Variants in R3HCC1L observed in about 807,000 individuals in gnomAD.
The protein encoded by R3HCC1L is coiled-coil domain-containing protein R3HCC1L.
In R3HCC1L, 51 loss-of-function variants were observed where a neutral mutation model predicts 59.9. The observed-to-expected ratio is 0.85, with a 90% CI of 0.68 to 1.07. R3HCC1L has a LOEUF of 1.07. Among genes scored for constraint, R3HCC1L ranks in the 50% least tolerant of loss-of-function variants. The probability of loss-of-function intolerance (pLI) is 0.00; values close to 1 mark genes in which losing one functional copy is unlikely to be tolerated. For synonymous variants in R3HCC1L, 322 were observed against 315.2 expected, an observed-to-expected ratio of 1.02 and a Z score of -0.23; for missense variants, 965 against 933.0, an observed-to-expected ratio of 1.03 and a Z score of -0.45.
chr10:98,167,790 GATA>G (rs1348988024), intron 4 of R3HCC1L, among the ~76,000 whole-genome samples: 1 of 152,186 alleles, frequency 6.6e-6, no homozygotes, highest in Non-Finnish European at 1.5e-5. Flanking sequence ...GTAAAGTTGG[GATA>G]ATAATAGCTA....
chr10:98,217,574 G>A (rs573014333), intron 5 of R3HCC1L, among the ~76,000 whole-genome samples: 8 of 152,184 alleles, frequency 5.3e-5, no homozygotes, highest in African/African-American at 1.7e-4. Context: ...TATTTTGATA[G>A]GGATTGCATT....
At chr10:98,221,978 C>T (rs1436026940) in intron 5 of R3HCC1L, among the ~76,000 whole-genome samples, 4 of 152,164 alleles carry the variant, frequency 2.6e-5, no homozygotes, top group Non-Finnish European at 5.9e-5. Flanking sequence ...GCAGTATAGC[C>T]ATTTTCTCGA....
At chr10:98,180,143 T>G (rs1242108194) in intron 4 of R3HCC1L, among the ~76,000 whole-genome samples, 4 of 152,110 alleles carry the variant, frequency 2.6e-5, no homozygotes, top group Admixed American at 6.6e-5. Flanking sequence ...TTTTACTTGT[T>G]ATGTTAGGGT....
In R3HCC1L at chr10:98,208,278, C is replaced by A. The variant is rs775591805; in HGVS notation, c.164C>A (p.Ser55Tyr). 3.2e-5 allele frequency: 52 copies of A among 1,613,960 alleles called. No individual in the cohort carries two copies. The Middle Eastern group carries it at 4.9e-4, about 15-fold the overall frequency. ...SVVKEKQKES[S>Y]LSQKEVFKDK... The stretch of plus-strand genomic sequence containing the variant: ...GTGAAAGAAAAGCAAAAAGAAAGTT[C>A]TCTCTCCCAAAAAGAAGTCTTTAAA... The change falls in exon 5 of 10, where the codon TCT becomes TAT. Residue 55 changes from serine to tyrosine, a missense_variant. Physicochemically the swap from Ser to Tyr is moderately radical, Grantham distance 144. Transcript: ENST00000298999.
intron 6 of R3HCC1L, among the ~76,000 whole-genome samples, chr10:98,233,907 T>G (rs887892270): frequency 2.0e-5 from 3 of 152,176 alleles, no homozygotes; most frequent in Non-Finnish European, 4.4e-5. Flanking sequence ...CCTCTCTGAT[T>G]ATAGTTGCCC....
intron 4 of R3HCC1L, among the ~76,000 whole-genome samples, chr10:98,206,879 G>A (rs925593327): frequency 6.6e-6 from 1 of 152,182 alleles, no homozygotes; most frequent in African/African-American, 2.4e-5. Context: ...AATACATGAA[G>A]AATGTTGGGC....
At chr10:98,146,464 C>G (rs1283181892) in intron 1 of R3HCC1L, among the ~76,000 whole-genome samples, 3 of 152,060 alleles carry the variant, frequency 2.0e-5, no homozygotes, top group Non-Finnish European at 4.4e-5. Context: ...TTTATCTTCC[C>G]CATCCCCACC....
At position 98,209,545 on chromosome 10, in the gene R3HCC1L, G is replaced by T; in HGVS notation, c.1431G>T (p.Lys477Asn). 6.2e-7 allele frequency: 1 copy of T among 1,613,876 alleles called. No homozygotes were observed. The change falls in exon 5 of 10, where the codon AAG (lysine) becomes AAT (asparagine). Residue 477 changes from lysine to asparagine, a missense_variant. Lys to Asn is a moderately conservative substitution (Grantham distance 94). Transcript: ENST00000298999. ...GTGCTTCCTCCTTACCTATAAAAAA[G>T]ATTGCTGGTAGTAATTATAACACTT... ...SDCASSLPIK[K>N]IAGSNYNTFL... is the part of the protein sequence containing the mutation.
chr10:98,209,833 T>C lies in R3HCC1L; in HGVS notation c.1719T>C (p.Ile573=), dbSNP rs780288720. ...ETSHTEGITA[I]EESWESMFND... Reference sequence around the variant, plus strand: ...CTCACACAGAGGGAATTACTGCCATTGAGGAGAGCTGGGAGTCTATGTTTA... The same window carrying C: ...CTCACACAGAGGGAATTACTGCCATCGAGGAGAGCTGGGAGTCTATGTTTA... The change falls in exon 5 of 10, where the codon ATT becomes ATC. Residue 573 remains isoleucine, a synonymous_variant. Coordinates refer to ENST00000298999, the MANE Select transcript of R3HCC1L (RefSeq NM_001351015.2). The C allele has an allele frequency of 6.2e-7, 1 of 1,613,750 alleles. No homozygotes were observed. The highest frequency in any genetic ancestry group is 1.1e-5 in the South Asian group (1 of 91,042).
At chr10:98,233,811 A>T (rs1856637485) in intron 6 of R3HCC1L, among the ~76,000 whole-genome samples, 1 of 151,854 alleles carries the variant, frequency 6.6e-6, no homozygotes, top group Admixed American at 6.6e-5. Flanking sequence ...TTTCATCCTT[A>T]ATTTTTCTGA....
At chr10:98,189,397 G>C (rs1296023415) in intron 4 of R3HCC1L, among the ~76,000 whole-genome samples, 1 of 152,104 alleles carries the variant, frequency 6.6e-6, no homozygotes, top group Non-Finnish European at 1.5e-5. Context: ...TTCTCATTCT[G>C]CTTTTTACTA....
At chr10:98,220,492 G>A (rs1489559491) in intron 5 of R3HCC1L, among the ~76,000 whole-genome samples, 8 of 144,886 alleles carry the variant, frequency 5.5e-5, no homozygotes, top group African/African-American at 1.8e-4. Flanking sequence ...CCACTAACTC[G>A]TCATCTAGCA....
At chr10:98,156,505 TTGTCAAA>T (rs1700129892) in intron 2 of R3HCC1L, among the ~76,000 whole-genome samples, 1 of 152,230 alleles carries the variant, frequency 6.6e-6, no homozygotes. Flanking sequence ...TCCTTGTTTG[TTGTCAAA>T]GGATGATGAG....
intron 5 of R3HCC1L, among the ~76,000 whole-genome samples, chr10:98,225,177 T>C (rs973418547): frequency 1.3e-5 from 2 of 152,200 alleles, no homozygotes; most frequent in Admixed American, 6.5e-5. Flanking sequence ...AGCTACTGTA[T>C]TGGACAGTTC....
At chr10:98,208,072 C>G (rs753473340) in intron 4 of R3HCC1L, 29 bp from the exon 5 acceptor site, 3 of 1,544,326 alleles carry the variant, frequency 1.9e-6, no homozygotes, top group South Asian at 2.5e-5. Flanking sequence ...TAATTAGTGT[C>G]TAATAATTAA....
intron 1 of R3HCC1L, among the ~76,000 whole-genome samples, chr10:98,142,935 CAAAA>C (rs989917705): frequency 3.3e-4 from 45 of 138,230 alleles, no homozygotes; most frequent in East Asian, 1.8e-3. Flanking sequence ...ACTCTGTCTC[CAAAA>C]AAAAACAAAC....
intron 8 of R3HCC1L, 64 bp downstream of exon 8, chr10:98,235,584 T>G (rs1195462823): frequency 1.7e-5 from 22 of 1,292,890 alleles, no homozygotes; most frequent in Non-Finnish European, 2.4e-5. Context: ...TTCCAGAAGT[T>G]TTATAGCATC....
chr10:98,160,094 A>G (rs1429213830), intron 2 of R3HCC1L, among the ~76,000 whole-genome samples: 1 of 152,242 alleles, frequency 6.6e-6, no homozygotes, highest in African/African-American at 2.4e-5. Context: ...CAACAATGAG[A>G]AACCTGGCCC....
chr10:98,189,613 G>A (rs1310270326), intron 4 of R3HCC1L, among the ~76,000 whole-genome samples: 1 of 151,886 alleles, frequency 6.6e-6, no homozygotes, highest in African/African-American at 2.4e-5. Flanking sequence ...TGTATAACCT[G>A]GTTTGAATAG....
Sources: allele counts gnomAD v4.1 joint callset (sites outside exome capture counted in the v4.1 genomes callset), GRCh38; gene constraint gnomAD v4.1.1; transcripts MANE v1.5; gene names NCBI Gene and HGNC (gene_info 2026-07-23, HGNC 2026-07-21).